Variants in DCUN1D4 observed in about 807,000 individuals in gnomAD.
The protein encoded by DCUN1D4 is DCN1-like protein 4.
A neutral mutation model predicts 47.9 loss-of-function variants in DCUN1D4; 22 were observed. That is an observed-to-expected ratio of 0.46 (90% CI 0.33 to 0.66). The LOEUF is 0.66. Ranked by LOEUF, DCUN1D4 falls within the 30% of genes least tolerant of loss-of-function variation. The pLI is 0.02. For missense variants in DCUN1D4, 301 were observed against 340.8 expected, an observed-to-expected ratio of 0.88 and a Z score of 0.92; for synonymous variants, 121 against 112.2, an observed-to-expected ratio of 1.08 and a Z score of -0.50.
chr4:51,908,809 A>G, intron 8 of DCUN1D4: 1 of 440,176 alleles, frequency 2.3e-6, no homozygotes, highest in South Asian at 1.6e-5. Context: ...GTTTCCAGTC[A>G]TGGTCATTTG....
intron 1 of DCUN1D4, among the ~76,000 whole-genome samples, chr4:51,856,482 C>G (rs1164268162): frequency 6.6e-6 from 1 of 152,078 alleles, no homozygotes; most frequent in African/African-American, 2.4e-5. Context: ...TATTAAATTA[C>G]TTTAAGTGTG....
At chr4:51,866,779 C>T (rs1009510317) in intron 3 of DCUN1D4, among the ~76,000 whole-genome samples, 1 of 152,350 alleles carries the variant, frequency 6.6e-6, no homozygotes, top group Admixed American at 6.5e-5. Flanking sequence ...TGGACTCATG[C>T]CTCCACTTTT....
At chr4:51,871,268 T>G (rs1317103709) in intron 3 of DCUN1D4, among the ~76,000 whole-genome samples, 1 of 152,232 alleles carries the variant, frequency 6.6e-6, no homozygotes, top group East Asian at 1.9e-4. Flanking sequence ...GTGAAACTTT[T>G]AATAGAAAGC....
chr4:51,834,099 C>CTTTTTT, the DCUN1D4 span, among the ~76,000 whole-genome samples: 1 of 40,822 alleles, frequency 2.4e-5, no homozygotes, highest in Non-Finnish European at 4.0e-5. Flanking sequence ...TTCTTTTCTT[C>CTTTTTT]TTTCTTTTTT....
intron 8 of DCUN1D4, chr4:51,905,265 T>C (rs1732702156): frequency 2.2e-6 from 1 of 448,272 alleles, no homozygotes; most frequent in Admixed American, 2.4e-5. Flanking sequence ...GATGATGAGA[T>C]TGAGAGCCAG....
intron 5 of DCUN1D4, 80 bp downstream of exon 5, chr4:51,877,934 A>C (rs910424479): frequency 2.0e-6 from 2 of 1,005,136 alleles, no homozygotes; most frequent in Non-Finnish European, 2.9e-6. Context: ...GAATTTAAAA[A>C]TGTGTACATT....
intron 6 of DCUN1D4, among the ~76,000 whole-genome samples, chr4:51,889,448 A>G (rs1330435012): frequency 6.6e-6 from 1 of 152,248 alleles, no homozygotes; most frequent in African/African-American, 2.4e-5. Context: ...GATAACAGCA[A>G]CATTCTTTAT....
At chr4:51,835,336 C>T in the DCUN1D4 span, among the ~76,000 whole-genome samples, 2 of 152,300 alleles carry the variant, frequency 1.3e-5, no homozygotes, top group South Asian at 2.1e-4. Flanking sequence ...AAATGTCTAC[C>T]TCTTGGGATT....
chr4:51,911,881 C>G (rs931698931), intron 9 of DCUN1D4, among the ~76,000 whole-genome samples: 20 of 152,100 alleles, frequency 1.3e-4, no homozygotes, highest in African/African-American at 4.8e-4. Flanking sequence ...CTGCCCCAAG[C>G]CCTTCTAAAA....
At chr4:51,844,268 G>C (rs904021745) in intron 1 of DCUN1D4, 1 of 938,956 alleles carries the variant, frequency 1.1e-6, no homozygotes, top group Non-Finnish European at 1.3e-6. Flanking sequence ...TGTCGAGGCA[G>C]GGTCCCTTGA....
At chr4:51,893,242 A>C (rs1481874706) in intron 7 of DCUN1D4, among the ~76,000 whole-genome samples, 1 of 152,166 alleles carries the variant, frequency 6.6e-6, no homozygotes, top group Admixed American at 6.5e-5. Context: ...AAGCCAAACC[A>C]CCCTTTTACA....
chr4:51,902,759 G>A lies in DCUN1D4; in HGVS notation c.615+3381G>A, dbSNP rs144274662. 3.3e-5 allele frequency among the ~76,000 whole-genome samples: 5 copies of A among 151,998 alleles called. No homozygotes were observed. The East Asian group carries it at 9.7e-4, about 29-fold the overall frequency. On this transcript the variant is annotated intron_variant, in intron 8 of 10. Coordinates refer to ENST00000334635, the MANE Select transcript of DCUN1D4 (RefSeq NM_001040402.3). ...GTATGGACAAAATTTATATCTCCTC[G>A]CTTGCTATTTTTTCTCTATGTATCC... is the stretch of plus-strand genomic sequence containing the variant.
rs570104330 is a variant in DCUN1D4 at position 51,876,384 on chromosome 4, A to G, written c.252-1379A>G. Among the ~76,000 whole-genome samples the G allele has an allele frequency of 5.6e-3, 829 of 148,618 alleles. 8 individuals are homozygous for G. Among genetic ancestry groups the G allele is most frequent in the Non-Finnish European group, 7.6e-3 (511 of 67,214 alleles). On this transcript the variant is annotated intron_variant, in intron 4 of 10. Transcript: ENST00000334635. ...TTGAACAATGAGAACACATGGACAC[A>G]GGAAGGGGAACATCACACACCGGGG... is the stretch of plus-strand genomic sequence containing the variant.
At chr4:51,874,487 T>C (rs1242124715) in intron 4 of DCUN1D4, 102 bp downstream of exon 4, 1 of 673,378 alleles carries the variant, frequency 1.5e-6, no homozygotes, top group East Asian at 3.0e-5. Flanking sequence ...AAATGCCAAG[T>C]GGAATGGGCT....
At chr4:51,848,416 T>C in intron 1 of DCUN1D4, 1 of 1,060,766 alleles carries the variant, frequency 9.4e-7, no homozygotes, top group Admixed American at 4.9e-5. Context: ...CTTCTTTTTG[T>C]TTTATATCCA....
At chr4:51,878,740 A>T (rs747531809) in intron 5 of DCUN1D4, among the ~76,000 whole-genome samples, 1 of 152,188 alleles carries the variant, frequency 6.6e-6, no homozygotes, top group African/African-American at 2.4e-5. Context: ...TCCATCTGAC[A>T]TGCTCTTACA....
At chr4:51,834,283 T>C in the DCUN1D4 span, among the ~76,000 whole-genome samples, 1 of 151,640 alleles carries the variant, frequency 6.6e-6, no homozygotes, top group South Asian at 2.1e-4. Flanking sequence ...AGGTCCTAAA[T>C]ACAAACATGT....
Position 51,886,614 on chromosome 4 carries a change from A to G in DCUN1D4, c.390A>G (p.Glu130=), listed in dbSNP as rs763322111. 6.2e-7 allele frequency: 1 copy of G among 1,614,022 alleles called. No individual in the cohort carries two copies. The highest frequency in any genetic ancestry group is 1.1e-5 in the South Asian group (1 of 91,076). ...CTGAAGGCATGGAGAAATTTTGTGA[A>G]GACATTGGTGTTGAACCAGAAAACG... is the stretch of plus-strand genomic sequence containing the variant. ...VGPEGMEKFC[E]DIGVEPENVV... Residue 130 remains glutamate, a synonymous_variant, in exon 6 of 11, where the codon GAA becomes GAG. Coordinates refer to ENST00000334635, the MANE Select transcript of DCUN1D4 (RefSeq NM_001040402.3).
chr4:51,899,214 TA>T, intron 7 of DCUN1D4, 55 bp from the exon 8 acceptor site: 10 of 1,494,626 alleles, frequency 6.7e-6, no homozygotes, highest in South Asian at 1.4e-5. Flanking sequence ...CTGCCTCTAT[TA>T]AAAAAATAAA....
Sources: gnomAD v4.1 joint callset for allele counts (sites outside exome capture counted in the v4.1 genomes callset) on GRCh38, gnomAD v4.1.1 for gene constraint, MANE v1.5 for transcripts, NCBI Gene and HGNC (gene_info 2026-07-23, HGNC 2026-07-21) for gene names.